TM9SF3: variants seen among roughly 807,000 people sequenced by gnomAD.
TM9SF3 encodes the protein SM-11044-binding protein.
Under a neutral mutation model 78.6 loss-of-function variants are expected in TM9SF3, and 14 were observed. The ratio of observed to expected loss-of-function variants is 0.18; its 90% CI spans 0.12 to 0.28. The LOEUF (loss-of-function observed/expected upper bound fraction) is 0.28. TM9SF3 is among the 10% of genes least tolerant of loss of function. TM9SF3 has a pLI of 1.00. For missense variants in TM9SF3, 496 were observed against 721.9 expected (o/e 0.69, Z 3.59); for synonymous variants, 231 against 241.7 (o/e 0.96, Z 0.41).
chr10:96,569,886 G>A (rs1329843399), intron 2 of TM9SF3, among the ~76,000 whole-genome samples: 1 of 152,174 alleles, frequency 6.6e-6, no homozygotes, highest in African/African-American at 2.4e-5. Context: ...ACAAAAATCA[G>A]CTTGGCGTGG....
chr10:96,561,352 C>G (rs549008978), intron 4 of TM9SF3, among the ~76,000 whole-genome samples: 96 of 152,236 alleles, frequency 6.3e-4, no homozygotes, highest in African/African-American at 2.3e-3. Flanking sequence ...TTATTTGCAT[C>G]AGGTACATAT....
At chr10:96,553,765 G>A (rs940257863) in intron 5 of TM9SF3, among the ~76,000 whole-genome samples, 3 of 152,120 alleles carry the variant, frequency 2.0e-5, no homozygotes, top group African/African-American at 4.8e-5. Context: ...TCTTGGCTTT[G>A]ATTTTATCCA....
Position 96,518,485 on chromosome 10 carries a change from AAC to A in TM9SF3, c.*3776_*3777del, listed in dbSNP as rs1030512857. 1.3e-5 allele frequency: 2 copies of A among 152,200 alleles called. No homozygotes were observed. Among genetic ancestry groups the A allele is most frequent in the Non-Finnish European group, 2.9e-5 (2 of 68,018 alleles). 9.4% of individuals were successfully genotyped at this position (152,200 alleles called of 1,614,324 possible). A position where few individuals can be genotyped will look rare whatever the true frequency, so the allele number is the denominator to read the frequency against. On this transcript the variant is annotated 3_prime_UTR_variant, in exon 15 of 15. Transcript: ENST00000371142. Reference sequence around the variant, plus strand: ...TGACCTAAGCTGATGAACTGGAGTAAACACAAACTGCTGCAGTTATCAATTAG... The same window carrying A: ...TGACCTAAGCTGATGAACTGGAGTAAACAAACTGCTGCAGTTATCAATTAG...
At chr10:96,548,138 G>A in intron 7 of TM9SF3, 149 bp from the exon 8 acceptor site, 1 of 546,046 alleles carries the variant, frequency 1.8e-6, no homozygotes, top group Non-Finnish European at 3.1e-6. Flanking sequence ...AAACTCAAAA[G>A]ATTCTCTATA....
intron 1 of TM9SF3, among the ~76,000 whole-genome samples, chr10:96,578,940 G>A (rs1362230981): frequency 1.3e-5 from 2 of 152,152 alleles, no homozygotes; most frequent in Admixed American, 6.5e-5. Flanking sequence ...GCAGGGTGTC[G>A]TGGCACACAC....
intron 14 of TM9SF3, among the ~76,000 whole-genome samples, chr10:96,522,538 G>A (rs989054900): frequency 2.0e-5 from 3 of 151,652 alleles, no homozygotes; most frequent in Admixed American, 6.6e-5. Context: ...ACCATCATAC[G>A]CCAAGTCTAA....
At chr10:96,553,465 G>C (rs1475623128) in intron 5 of TM9SF3, among the ~76,000 whole-genome samples, 1 of 152,160 alleles carries the variant, frequency 6.6e-6, no homozygotes, top group Admixed American at 6.5e-5. Context: ...TACTTATCTT[G>C]TAAGTGATTT....
chr10:96,566,945 C>A (rs1848380446), intron 2 of TM9SF3, among the ~76,000 whole-genome samples: 1 of 152,170 alleles, frequency 6.6e-6, no homozygotes, highest in Admixed American at 6.5e-5. Flanking sequence ...CAGTAGGGTA[C>A]CTCACAGCTA....
At chr10:96,553,503 T>G (rs1036760103) in intron 5 of TM9SF3, among the ~76,000 whole-genome samples, 2 of 152,170 alleles carry the variant, frequency 1.3e-5, no homozygotes, top group African/African-American at 4.8e-5. Context: ...ATATATAAAG[T>G]ATGGCACCTT....
chr10:96,553,278 C>T (rs78851225), intron 5 of TM9SF3, among the ~76,000 whole-genome samples: 5,035 of 152,216 alleles, frequency 0.033, 281 homozygotes, highest in African/African-American at 0.11. Flanking sequence ...TGAAAACATG[C>T]TATCATTTAT....
rs1360436855 is a variant in TM9SF3 at position 96,576,624 on chromosome 10, G to A, written c.298+10C>T. On this transcript the variant is annotated intron_variant, in intron 2 of 14. Coordinates refer to ENST00000371142, the MANE Select transcript of TM9SF3 (RefSeq NM_020123.4). ...AAATTGCATTGTAAGGACTATTAAG[G>A]TTTACTTACCTTTAAATTTAATATC... 6.4e-7 allele frequency: 1 copy of A among 1,573,302 alleles called. No homozygotes were observed. The highest frequency in any genetic ancestry group is 1.4e-5 in the African/African-American group (1 of 72,570).
intron 9 of TM9SF3, among the ~76,000 whole-genome samples, chr10:96,536,657 CCT>C (rs750512166): frequency 2.0e-5 from 3 of 152,128 alleles, no homozygotes; most frequent in South Asian, 2.1e-4. Flanking sequence ...CTCTGCCACC[CCT>C]GAGACAGCAT....
chr10:96,585,493 C>A (rs1177194327), intron 1 of TM9SF3, among the ~76,000 whole-genome samples: 1 of 152,144 alleles, frequency 6.6e-6, no homozygotes, highest in Non-Finnish European at 1.5e-5. Flanking sequence ...AAACATGTCA[C>A]CAATTCGAGA....
rs150161835 is a variant in TM9SF3 at position 96,575,117 on chromosome 10, T to G, written c.298+1517A>C. ...ATTAAGTACTCTTCTTTAGTAAATATGGGTGAGGATCTCAAAAACTAATGA... is the reference window on the plus strand; with the variant it reads ...ATTAAGTACTCTTCTTTAGTAAATAGGGGTGAGGATCTCAAAAACTAATGA... On this transcript the variant is annotated intron_variant, in intron 2 of 14. Transcript: ENST00000371142. Among the ~76,000 whole-genome samples, 422 of 152,064 alleles carry G rather than the reference T, an allele frequency of 2.8e-3. 1 individual carries two copies. The highest frequency in any genetic ancestry group is 4.7e-3 in the Non-Finnish European group (318 of 67,976).
intron 2 of TM9SF3, among the ~76,000 whole-genome samples, chr10:96,572,532 T>C (rs60507361): frequency 0.011 from 1,645 of 151,064 alleles, 31 homozygotes; most frequent in African/African-American, 0.038. Context: ...TTTCTTTTTT[T>C]TTTTTTTTTT....
intron 7 of TM9SF3, among the ~76,000 whole-genome samples, chr10:96,549,410 G>A (rs1248733700): frequency 6.6e-6 from 1 of 152,062 alleles, no homozygotes; most frequent in Non-Finnish European, 1.5e-5. Flanking sequence ...GAATAAGATT[G>A]CCTAGGTTCC....
chr10:96,539,092 A>T (rs977884700), intron 9 of TM9SF3, among the ~76,000 whole-genome samples: 1 of 152,248 alleles, frequency 6.6e-6, no homozygotes, highest in African/African-American at 2.4e-5. Context: ...GCAAAAAACT[A>T]GTAAATTACT....
At chr10:96,554,465 C>G (rs1194596225) in intron 5 of TM9SF3, among the ~76,000 whole-genome samples, 4 of 152,140 alleles carry the variant, frequency 2.6e-5, no homozygotes, top group African/African-American at 9.6e-5. Flanking sequence ...TCTCCTTGAT[C>G]TCTCTGCCAC....
intron 9 of TM9SF3, among the ~76,000 whole-genome samples, chr10:96,536,930 G>C (rs1341532705): frequency 6.6e-6 from 1 of 152,016 alleles, no homozygotes. Context: ...TGAATAACTG[G>C]GACTACAGGC....
Sources: allele counts gnomAD v4.1 joint callset (sites outside exome capture counted in the v4.1 genomes callset), GRCh38; gene constraint gnomAD v4.1.1; transcripts MANE v1.5; gene names NCBI Gene and HGNC (gene_info 2026-07-23, HGNC 2026-07-21).